Variants in MARVELD2 observed in about 807,000 individuals in gnomAD.
The protein encoded by MARVELD2 is MARVEL domain containing 2.
A neutral mutation model predicts 57.6 loss-of-function variants in MARVELD2; 49 were observed. The ratio of observed to expected loss-of-function variants is 0.85; its 90% CI spans 0.68 to 1.08. MARVELD2 has a LOEUF of 1.08. Ranked by LOEUF, MARVELD2 falls within the 50% of genes least tolerant of loss-of-function variation. The pLI, the probability that MARVELD2 is intolerant of heterozygous loss-of-function variation, is 0.00. For missense variants in MARVELD2, 606 were observed against 701.1 expected (o/e 0.86, Z 1.53); for synonymous variants, 238 against 258.8 (o/e 0.92, Z 0.77).
chr5:69,429,487 G>A (rs1392542823), intron 3 of MARVELD2, among the ~76,000 whole-genome samples: 3 of 152,168 alleles, frequency 2.0e-5, no homozygotes, highest in African/African-American at 7.2e-5. Context: ...TAAGGGGTCA[G>A]TAGAGGGGAG....
chr5:69,438,818 G>A (rs370377925), intron 5 of MARVELD2, among the ~76,000 whole-genome samples: 1 of 151,726 alleles, frequency 6.6e-6, no homozygotes, highest in Non-Finnish European at 1.5e-5. Context: ...CCTAGGAGGC[G>A]AAGGTTGCAG....
intron 3 of MARVELD2, among the ~76,000 whole-genome samples, chr5:69,428,912 G>A (rs1335011600): frequency 6.6e-6 from 1 of 152,108 alleles, no homozygotes; most frequent in Non-Finnish European, 1.5e-5. Flanking sequence ...AGCCAAAAAT[G>A]CTCCCCCTAA....
rs533494727 is a variant in MARVELD2, at chr5:69,433,214, G to A, written c.1503+121G>A. 38 of 1,011,636 alleles carry A rather than the reference G, an allele frequency of 3.8e-5. No individual in the cohort carries two copies. In the African/African-American group the frequency reaches 5.0e-4, roughly 13 times the overall value. 62.7% of individuals were successfully genotyped at this position (1,011,636 alleles called of 1,614,324 possible). ...AGTCTTGTTCTGTTGCCAGGCTGGA[G>A]TGCAGTGGCACAATCTTGGCTTGCT... On this transcript the variant is annotated intron_variant, in intron 5 of 6. Coordinates refer to ENST00000325631, the MANE Select transcript of MARVELD2 (RefSeq NM_001038603.3).
At chr5:69,427,149 C>A (rs371644862) in intron 3 of MARVELD2, among the ~76,000 whole-genome samples, 3 of 152,144 alleles carry the variant, frequency 2.0e-5, no homozygotes, top group South Asian at 4.1e-4. Context: ...AATAAGACTA[C>A]TTTTAAAAGA....
At chr5:69,418,854 A>G (rs1337761150) in intron 1 of MARVELD2, 3 of 153,070 alleles carry the variant, frequency 2.0e-5, no homozygotes, top group Non-Finnish European at 4.3e-5. Flanking sequence ...AAGTTTTGTC[A>G]CTTTTGTTTT....
chr5:69,432,709 A>G (rs1288710055), intron 4 of MARVELD2, 34 bp downstream of exon 4: 1 of 1,613,732 alleles, frequency 6.2e-7, no homozygotes, highest in Non-Finnish European at 8.5e-7. Flanking sequence ...CTCAAGGTAG[A>G]AGTTGAGGGG....
At position 69,420,254 on chromosome 5, in the gene MARVELD2, C is replaced by G; in HGVS notation, c.869C>G (p.Pro290Arg). Residue 290 changes from proline to arginine, a missense_variant, in exon 2 of 7, where the codon CCC (proline) becomes CGC (arginine). By Grantham distance (103) the Pro-to-Arg change is moderately radical. Transcript: ENST00000325631. Reference protein sequence around the residue: ...RTILLDSNWWPLTEFGINVAL... With the variant: ...RTILLDSNWWRLTEFGINVAL... ...ATTCTTCTGGACTCTAATTGGTGGC[C>G]CCTAACTGAATTTGGAATTAACGTT... The G allele has an allele frequency of 6.2e-7, 1 of 1,614,116 alleles. No homozygotes were observed.
chr5:69,433,443 C>T (rs1442955186), intron 5 of MARVELD2, among the ~76,000 whole-genome samples: 1 of 139,244 alleles, frequency 7.2e-6, no homozygotes, highest in Non-Finnish European at 1.5e-5. Context: ...TGAGCCACCG[C>T]ATTTGGCATA....
At chr5:69,435,803 T>C (rs905934284) in intron 5 of MARVELD2, among the ~76,000 whole-genome samples, 27 of 151,434 alleles carry the variant, frequency 1.8e-4, no homozygotes, top group African/African-American at 6.5e-4. Flanking sequence ...AATTAGCAGT[T>C]ATTTCCCATT....
chr5:69,441,039 C>A (rs571765936), intron 6 of MARVELD2, among the ~76,000 whole-genome samples: 3 of 151,986 alleles, frequency 2.0e-5, no homozygotes, highest in African/African-American at 7.2e-5. Flanking sequence ...GGAGACAGTA[C>A]GCCACTGCAC....
intron 2 of MARVELD2, among the ~76,000 whole-genome samples, chr5:69,421,919 G>A (rs1179790094): frequency 2.6e-5 from 4 of 151,584 alleles, no homozygotes; most frequent in African/African-American, 9.7e-5. Context: ...CATAAATTGT[G>A]AAGATTTCAT....
intron 5 of MARVELD2, among the ~76,000 whole-genome samples, chr5:69,436,604 G>C (rs1021979949): frequency 6.6e-6 from 1 of 152,108 alleles, no homozygotes; most frequent in African/African-American, 2.4e-5. Context: ...GCAATGGAAT[G>C]GTGTTGGCTA....
chr5:69,431,142 TCTCA>T (rs1277785427), intron 3 of MARVELD2, among the ~76,000 whole-genome samples: 1 of 148,620 alleles, frequency 6.7e-6, no homozygotes, highest in East Asian at 2.0e-4. Flanking sequence ...TGAGACAGAG[TCTCA>T]CTCTGTTGCC....
chr5:69,418,011 G>T (rs1455029100), intron 1 of MARVELD2, among the ~76,000 whole-genome samples: 1 of 152,112 alleles, frequency 6.6e-6, no homozygotes, highest in Non-Finnish European at 1.5e-5. Context: ...AGGAGGCTGA[G>T]GCAGCTGGAG....
intron 3 of MARVELD2, among the ~76,000 whole-genome samples, chr5:69,430,406 G>T (rs1766924199): frequency 6.6e-6 from 1 of 152,066 alleles, no homozygotes; most frequent in African/African-American, 2.4e-5. Context: ...TGTAGAGACA[G>T]CATCTCCCTA....
At chr5:69,436,166 A>G (rs953846036) in intron 5 of MARVELD2, among the ~76,000 whole-genome samples, 4 of 152,096 alleles carry the variant, frequency 2.6e-5, no homozygotes, top group Admixed American at 6.6e-5. Context: ...AATCTATTAC[A>G]TGTATGATTA....
At chr5:69,423,569 G>A (rs1766693833) in intron 2 of MARVELD2, among the ~76,000 whole-genome samples, 1 of 151,826 alleles carries the variant, frequency 6.6e-6, no homozygotes, top group African/African-American at 2.4e-5. Flanking sequence ...GAAAAAAATA[G>A]TTTTATAACA....
At chr5:69,430,201 C>G (rs1766916271) in intron 3 of MARVELD2, among the ~76,000 whole-genome samples, 1 of 152,026 alleles carries the variant, frequency 6.6e-6, no homozygotes, top group Non-Finnish European at 1.5e-5. Flanking sequence ...AACCCCATCT[C>G]TACTAAAATA....
intron 3 of MARVELD2, 97 bp from the exon 4 acceptor site, chr5:69,432,430 C>A: frequency 7.3e-7 from 1 of 1,373,118 alleles, no homozygotes; most frequent in Non-Finnish European, 1.0e-6. Context: ...TTTGAGCCAC[C>A]CCACCTGATC....
Sources: gnomAD v4.1 joint callset for allele counts (sites outside exome capture counted in the v4.1 genomes callset) on GRCh38, gnomAD v4.1.1 for gene constraint, MANE v1.5 for transcripts, NCBI Gene and HGNC (gene_info 2026-07-23, HGNC 2026-07-21) for gene names.